ADARB2: variants seen among roughly 807,000 people sequenced by gnomAD.
The protein encoded by ADARB2 is adenosine deaminase RNA specific B2 (inactive), also known as inactive double-stranded RNA-specific editase B2.
Under a neutral mutation model 62.2 loss-of-function variants are expected in ADARB2, and 25 were observed. The observed-to-expected ratio is 0.40, with a 90% CI of 0.29 to 0.56. ADARB2 has a LOEUF of 0.56. ADARB2 is among the 20% of genes least tolerant of loss of function. ADARB2 has a pLI of 0.43. For missense variants in ADARB2, 1,071 were observed against 1,077.4 expected, an observed-to-expected ratio of 0.99 and a Z score of 0.08; for synonymous variants, 572 against 500.8, an observed-to-expected ratio of 1.14 and a Z score of -1.90.
chr10:1,688,862 G>A (rs894201790), intron 1 of ADARB2, among the ~76,000 whole-genome samples: 12 of 152,160 alleles, frequency 7.9e-5, no homozygotes, highest in Non-Finnish European at 1.3e-4. Flanking sequence ...GAGAGACAGA[G>A]AGCTCTTTCC....
intron 3 of ADARB2, among the ~76,000 whole-genome samples, chr10:1,328,477 T>G (rs1300695887): frequency 6.6e-6 from 1 of 152,154 alleles, no homozygotes; most frequent in East Asian, 1.9e-4. Context: ...CACGTAACGT[T>G]CAGTTATTCC....
At chr10:1,489,618 G>T (rs1227818974) in intron 1 of ADARB2, among the ~76,000 whole-genome samples, 1 of 152,222 alleles carries the variant, frequency 6.6e-6, no homozygotes, top group Non-Finnish European at 1.5e-5. Flanking sequence ...AAACTATAAA[G>T]ATGGCAAATG....
At position 1,206,488 on chromosome 10, in the gene ADARB2, G is replaced by A. The variant is rs555460359; in HGVS notation, c.1683-6341C>T. On this transcript the variant is annotated intron_variant, in intron 7 of 9. Coordinates refer to ENST00000381312, the MANE Select transcript of ADARB2 (RefSeq NM_018702.4). ...CCTGTGCGTCTGAGAGAACTGCGGG[G>A]TCTCCTCCTCGTGCCTGTGTGGTCT... Among the ~76,000 whole-genome samples, 221 of 151,348 alleles carry A rather than the reference G, an allele frequency of 1.5e-3. 1 individual carries two copies. Among genetic ancestry groups the A allele is most frequent in the African/African-American group, 4.7e-3 (195 of 41,366 alleles).
chr10:1,375,981 A>ATG (rs1491505089), intron 2 of ADARB2, among the ~76,000 whole-genome samples: 4 of 151,370 alleles, frequency 2.6e-5, no homozygotes, highest in Non-Finnish European at 4.4e-5. Flanking sequence ...GTGCACACAC[A>ATG]CGCACACACA....
intron 1 of ADARB2, among the ~76,000 whole-genome samples, chr10:1,722,021 T>C (rs1835099505): frequency 6.6e-6 from 1 of 152,140 alleles, no homozygotes; most frequent in Non-Finnish European, 1.5e-5. Context: ...CTATCAGAAG[T>C]CCTACCTGTG....
At chr10:1,315,861 A>G (rs1356354505) in intron 3 of ADARB2, among the ~76,000 whole-genome samples, 2 of 152,242 alleles carry the variant, frequency 1.3e-5, no homozygotes, top group Non-Finnish European at 2.9e-5. Context: ...CAATAACTGG[A>G]TTTTAAAAGA....
At chr10:1,567,998 C>A (rs1158495822) in intron 1 of ADARB2, among the ~76,000 whole-genome samples, 2 of 152,184 alleles carry the variant, frequency 1.3e-5, no homozygotes, top group Non-Finnish European at 2.9e-5. Flanking sequence ...TCCTTGGGAA[C>A]CTGTGTCACA....
intron 1 of ADARB2, among the ~76,000 whole-genome samples, chr10:1,717,568 T>C (rs577059395): frequency 1.3e-4 from 19 of 151,628 alleles, no homozygotes; most frequent in Non-Finnish European, 2.4e-4. Context: ...TTCGTTTTTC[T>C]TTCCTTCCTT....
chr10:1,404,333 G>A (rs1832688543), intron 1 of ADARB2, among the ~76,000 whole-genome samples: 1 of 152,212 alleles, frequency 6.6e-6, no homozygotes, highest in South Asian at 2.1e-4. Context: ...CTACCACTGG[G>A]GACCTGATGG....
intron 1 of ADARB2, among the ~76,000 whole-genome samples, chr10:1,634,118 C>T (rs1180328403): frequency 1.3e-5 from 2 of 152,136 alleles, no homozygotes; most frequent in Admixed American, 1.3e-4. Flanking sequence ...CGCCTGTCCC[C>T]ACGGGTGTGT....
At chr10:1,244,683 T>C (rs1830966462) in intron 4 of ADARB2, among the ~76,000 whole-genome samples, 1 of 152,090 alleles carries the variant, frequency 6.6e-6, no homozygotes, top group Non-Finnish European at 1.5e-5. Flanking sequence ...GGCTGCAGCA[T>C]GAGATGTCGT....
chr10:1,530,225 C>T (rs191875814), intron 1 of ADARB2, among the ~76,000 whole-genome samples: 27 of 152,316 alleles, frequency 1.8e-4, no homozygotes, highest in African/African-American at 5.5e-4. Flanking sequence ...GTTGCCCGAC[C>T]GAAACGCCCC....
intron 1 of ADARB2, among the ~76,000 whole-genome samples, chr10:1,650,384 G>C (rs1281320613): frequency 6.6e-6 from 1 of 152,184 alleles, no homozygotes; most frequent in Non-Finnish European, 1.5e-5. Flanking sequence ...AAGACACTTT[G>C]CTAGGACCTT....
intron 1 of ADARB2, among the ~76,000 whole-genome samples, chr10:1,609,881 G>T (rs1833545925): frequency 6.6e-6 from 1 of 152,234 alleles, no homozygotes; most frequent in African/African-American, 2.4e-5. Flanking sequence ...CGGAGGGCAG[G>T]TGATGAATAG....
At chr10:1,623,319 T>C (rs182354524) in intron 1 of ADARB2, among the ~76,000 whole-genome samples, 4 of 152,336 alleles carry the variant, frequency 2.6e-5, no homozygotes, top group Admixed American at 6.5e-5. Flanking sequence ...GTGAAAATGA[T>C]TGAATTGTGC....
chr10:1,663,362 T>C (rs538589648), intron 1 of ADARB2, among the ~76,000 whole-genome samples: 25 of 152,286 alleles, frequency 1.6e-4, no homozygotes, highest in Admixed American at 1.6e-3. Context: ...GACAAGTGCA[T>C]CTCCCCGCCG....
intron 1 of ADARB2, among the ~76,000 whole-genome samples, chr10:1,614,983 T>C (rs189672242): frequency 3.9e-4 from 60 of 152,280 alleles, no homozygotes; most frequent in African/African-American, 1.4e-3. Context: ...TTTATGGCTC[T>C]TTCTTCTCAT....
At position 1,449,580 on chromosome 10, in the gene ADARB2, T is replaced by C. The variant is rs529621418; in HGVS notation, c.101-70420A>G. Among the ~76,000 whole-genome samples the C allele has an allele frequency of 2.0e-5, 3 of 152,340 alleles. No individual in the cohort carries two copies. The East Asian group carries it at 5.8e-4, about 29-fold the overall frequency. On this transcript the variant is annotated intron_variant, in intron 1 of 9. Coordinates refer to ENST00000381312, the MANE Select transcript of ADARB2 (RefSeq NM_018702.4). ...GTCTCCTGGAGCAGAAATTAGATGC[T>C]CATCCAGAGAGAATTCCCAGAGGAG...
rs184416276 is a variant in ADARB2 at position 1,410,934 on chromosome 10, G to A, written c.101-31774C>T. Reference sequence around the variant, plus strand: ...ACGGCCTCTCCCTCTCCCGAGCTGCGCCCTGTCCTCCTGGAGGCGAAGGGC... The same window carrying A: ...ACGGCCTCTCCCTCTCCCGAGCTGCACCCTGTCCTCCTGGAGGCGAAGGGC... On this transcript the variant is annotated intron_variant, in intron 1 of 9. Coordinates refer to ENST00000381312, the MANE Select transcript of ADARB2 (RefSeq NM_018702.4). Among the ~76,000 whole-genome samples, 6 of 152,242 alleles carry A rather than the reference G, an allele frequency of 3.9e-5. No homozygotes were observed. In the East Asian group the frequency reaches 9.7e-4, roughly 25 times the overall value.
Sources: gnomAD v4.1 joint callset for allele counts (sites outside exome capture counted in the v4.1 genomes callset) on GRCh38, gnomAD v4.1.1 for gene constraint, MANE v1.5 for transcripts, NCBI Gene and HGNC (gene_info 2026-07-23, HGNC 2026-07-21) for gene names.